Variants in SLC44A5 observed in about 807,000 individuals in gnomAD.
The protein encoded by SLC44A5 is solute carrier family 44 member 5, also known as choline transporter-like protein 5.
A neutral mutation model predicts 101.8 loss-of-function variants in SLC44A5; 57 were observed. The observed-to-expected ratio is 0.56, with a 90% CI of 0.45 to 0.70. SLC44A5 has a LOEUF of 0.70. Ranked by LOEUF, SLC44A5 falls within the 30% of genes least tolerant of loss-of-function variation. The pLI, the probability that SLC44A5 is intolerant of heterozygous loss-of-function variation, is 0.00. For missense variants in SLC44A5, 737 were observed against 853.1 expected, an observed-to-expected ratio of 0.86 and a Z score of 1.70; for synonymous variants, 281 against 290.9, an observed-to-expected ratio of 0.97 and a Z score of 0.35.
chr1:75,262,606 T>C (rs1349043127), intron 6 of SLC44A5, among the ~76,000 whole-genome samples: 3 of 152,200 alleles, frequency 2.0e-5, no homozygotes, highest in Non-Finnish European at 2.9e-5. Flanking sequence ...ACCACTGACT[T>C]TCTTCATAGA....
intron 3 of SLC44A5, among the ~76,000 whole-genome samples, chr1:75,352,902 G>A (rs1191249760): frequency 6.6e-6 from 1 of 152,104 alleles, no homozygotes; most frequent in Non-Finnish European, 1.5e-5. Flanking sequence ...CGTACAATAG[G>A]ATACTAAACA....
chr1:75,460,271 T>C (rs77396916), intron 2 of SLC44A5, among the ~76,000 whole-genome samples: 35,624 of 152,104 alleles, frequency 0.23, 4,299 homozygotes, highest in African/African-American at 0.27. Flanking sequence ...TCTGCTTTAA[T>C]TTGGCATTGC....
At chr1:75,622,654 A>C in the SLC44A5 span, among the ~76,000 whole-genome samples, 1 of 152,116 alleles carries the variant, frequency 6.6e-6, no homozygotes, top group Non-Finnish European at 1.5e-5. Flanking sequence ...ACTGTCAGAC[A>C]TTACATAGAG....
At chr1:75,525,505 C>T (rs1036900115) in intron 2 of SLC44A5, among the ~76,000 whole-genome samples, 2 of 152,000 alleles carry the variant, frequency 1.3e-5, no homozygotes, top group African/African-American at 4.8e-5. Flanking sequence ...GACAATACAA[C>T]TGTCCTGCCA....
At chr1:75,329,023 A>G (rs1320872075) in intron 4 of SLC44A5, among the ~76,000 whole-genome samples, 1 of 152,190 alleles carries the variant, frequency 6.6e-6, no homozygotes, top group East Asian at 1.9e-4. Flanking sequence ...TACCTATTGG[A>G]TACTATTCTT....
At chr1:75,275,068 T>A in intron 5 of SLC44A5, 26 bp from the exon 6 acceptor site, 1 of 1,594,540 alleles carries the variant, frequency 6.3e-7, no homozygotes, top group Non-Finnish European at 8.6e-7. Context: ...AGGACAAATA[T>A]GCTATCAGCA....
chr1:75,293,239 G>A (rs912898889), intron 5 of SLC44A5, among the ~76,000 whole-genome samples: 1 of 152,180 alleles, frequency 6.6e-6, no homozygotes, highest in Non-Finnish European at 1.5e-5. Context: ...TACCAGGAGC[G>A]AGTATTATGA....
At position 75,471,119 on chromosome 1, in the gene SLC44A5, G is replaced by A. The variant is rs190112861; in HGVS notation, c.13+70316C>T. On this transcript the variant is annotated intron_variant, in intron 2 of 23. Coordinates refer to ENST00000370859, the MANE Select transcript of SLC44A5 (RefSeq NM_001130058.2). ...AAAGTTAGTATTTTCTCAGTGATTC[G>A]TTGAAGATCTATTTTTTAACCTTTT... Among the ~76,000 whole-genome samples, 8 of 152,174 alleles carry A rather than the reference G, an allele frequency of 5.3e-5. No homozygotes were observed. In the East Asian group the frequency reaches 7.7e-4, roughly 15 times the overall value.
At chr1:75,700,605 G>A in the SLC44A5 span, among the ~76,000 whole-genome samples, 1 of 152,130 alleles carries the variant, frequency 6.6e-6, no homozygotes, top group African/African-American at 2.4e-5. Context: ...AACTAGAGAA[G>A]CAAGAGCAAA....
intron 2 of SLC44A5, among the ~76,000 whole-genome samples, chr1:75,482,326 C>G (rs1037921174): frequency 1.3e-5 from 2 of 151,662 alleles, no homozygotes; most frequent in African/African-American, 4.8e-5. Context: ...TGCTAAATGA[C>G]GAGTTAATGG....
At chr1:75,525,781 T>C (rs975548270) in intron 2 of SLC44A5, among the ~76,000 whole-genome samples, 1 of 152,204 alleles carries the variant, frequency 6.6e-6, no homozygotes, top group African/African-American at 2.4e-5. Context: ...TGAAATATTA[T>C]GGTAAATATT....
intron 13 of SLC44A5, 79 bp downstream of exon 13, chr1:75,227,647 C>A: frequency 1.6e-6 from 2 of 1,220,848 alleles, no homozygotes; most frequent in Non-Finnish European, 1.1e-6. Context: ...CAGGTTATAC[C>A]AACCCAAGTT....
chr1:75,430,481 G>A (rs1570255095), intron 2 of SLC44A5, among the ~76,000 whole-genome samples: 1 of 152,202 alleles, frequency 6.6e-6, no homozygotes, highest in Non-Finnish European at 1.5e-5. Context: ...TGCTGATCCT[G>A]AAACAGTATG....
upstream of SLC44A5, among the ~76,000 whole-genome samples, chr1:75,614,305 G>A (rs1675775804): frequency 6.6e-6 from 1 of 152,104 alleles, no homozygotes; most frequent in South Asian, 2.1e-4. Context: ...TGGAGGGGGG[G>A]AATCAGAGGT....
At chr1:75,327,670 T>G (rs1259341691) in intron 4 of SLC44A5, among the ~76,000 whole-genome samples, 1 of 152,136 alleles carries the variant, frequency 6.6e-6, no homozygotes, top group Non-Finnish European at 1.5e-5. Context: ...CCCAACAAAA[T>G]AATCATTACA....
intron 3 of SLC44A5, among the ~76,000 whole-genome samples, chr1:75,362,567 A>G (rs1659569591): frequency 6.6e-6 from 1 of 151,990 alleles, no homozygotes; most frequent in South Asian, 2.1e-4. Flanking sequence ...CCCATTGGTT[A>G]TTCATGAGCA....
At chr1:75,645,618 G>A in the SLC44A5 span, among the ~76,000 whole-genome samples, 1 of 151,518 alleles carries the variant, frequency 6.6e-6, no homozygotes, top group African/African-American at 2.4e-5. Context: ...CTGTGCAGAA[G>A]CTCTTTAGTT....
At chr1:75,421,058 G>A (rs1465711989) in intron 2 of SLC44A5, among the ~76,000 whole-genome samples, 1 of 152,056 alleles carries the variant, frequency 6.6e-6, no homozygotes, top group East Asian at 1.9e-4. Flanking sequence ...GGAAATAGTT[G>A]TGTCTTTCTC....
At chr1:75,702,570 A>C in the SLC44A5 span, among the ~76,000 whole-genome samples, 4 of 152,328 alleles carry the variant, frequency 2.6e-5, no homozygotes, top group South Asian at 8.3e-4. Flanking sequence ...AAGAAAACCC[A>C]GGCAATACCA....
Sources: allele counts gnomAD v4.1 joint callset (sites outside exome capture counted in the v4.1 genomes callset), GRCh38; gene constraint gnomAD v4.1.1; transcripts MANE v1.5; gene names NCBI Gene and HGNC (gene_info 2026-07-23, HGNC 2026-07-21).